The following FARP2 variants were observed in gnomAD, a reference collection of about 807,000 sequenced individuals.
FARP2 encodes the protein FERM, ARH/RhoGEF and pleckstrin domain protein 2, also known as FERM, ARHGEF and pleckstrin domain-containing protein 2.
FARP2 carries 111 observed loss-of-function variants against 130.5 expected under a neutral mutation model. That is an observed-to-expected ratio of 0.85 (90% CI 0.73 to 1.00). The LOEUF (loss-of-function observed/expected upper bound fraction) is 1.00. FARP2 is among the 50% of genes least tolerant of loss of function. The pLI is 0.00. For missense variants in FARP2, 1,385 were observed against 1,346.3 expected (o/e 1.03, Z -0.45); for synonymous variants, 504 against 516.9 (o/e 0.98, Z 0.34).
chr2:241,456,801 G>A lies in FARP2; in HGVS notation c.1466G>A (p.Ser489Asn). 1 of 1,614,102 alleles carries A rather than the reference G, an allele frequency of 6.2e-7. No homozygotes were observed. ...CCCTCCAGCCGGAAGAGCCCCCTGAGTCTGAGCCCTGCATTTCAGGTGCCT... is the reference window on the plus strand; with the variant it reads ...CCCTCCAGCCGGAAGAGCCCCCTGAATCTGAGCCCTGCATTTCAGGTGCCT... ...PSPSSRKSPL[S>N]LSPAFQVPLG... The change falls in exon 14 of 27, where the codon AGT (serine) becomes AAT (asparagine). Residue 489 changes from serine (S) to asparagine (N), a missense_variant. Coordinates refer to ENST00000264042, the MANE Select transcript of FARP2 (RefSeq NM_014808.4).
chr2:241,482,779 G>A lies in FARP2; in HGVS notation c.2263-686G>A, dbSNP rs1414515854. Among the ~76,000 whole-genome samples the A allele has an allele frequency of 6.6e-6, 1 of 152,136 alleles. No individual in the cohort carries two copies. Among genetic ancestry groups the A allele is most frequent in the Non-Finnish European group, 1.5e-5 (1 of 68,028 alleles). On this transcript the variant is annotated intron_variant, in intron 19 of 26. Coordinates refer to ENST00000264042, the MANE Select transcript of FARP2 (RefSeq NM_014808.4). This position sits in a 1 kb window ranked among gnomAD's most constrained non-coding sequence, Gnocchi z 4.6. ...TGTTTGTCTGAAAGGAACAGATGGT[G>A]GAAGGGCTCCAGAGCAGTCCAGGTT...
At chr2:241,418,217 G>C in intron 8 of FARP2, 108 bp downstream of exon 8, 3 of 1,189,422 alleles carry the variant, frequency 2.5e-6, no homozygotes, top group Non-Finnish European at 3.6e-6. Flanking sequence ...TGATGAGTAC[G>C]GGCCTCGATT....
intron 12 of FARP2, among the ~76,000 whole-genome samples, chr2:241,437,442 C>T (rs765750159): frequency 1.2e-4 from 19 of 152,080 alleles, no homozygotes; most frequent in Non-Finnish European, 2.6e-4. Context: ...CATATGCAAG[C>T]ATATTTTTAC....
chr2:241,359,019 G>T (rs2061125735), intron 1 of FARP2, among the ~76,000 whole-genome samples: 1 of 152,162 alleles, frequency 6.6e-6, no homozygotes, highest in Non-Finnish European at 1.5e-5. Context: ...AAGTAAACAT[G>T]CTTCCACAAG....
At chr2:241,390,416 C>T (rs1247007342) in intron 2 of FARP2, among the ~76,000 whole-genome samples, 1 of 152,188 alleles carries the variant, frequency 6.6e-6, no homozygotes, top group Non-Finnish European at 1.5e-5. Context: ...TCCTCGTAGA[C>T]ACATTTGTGA....
chr2:241,418,589 A>G lies in FARP2; in HGVS notation c.771+480A>G, dbSNP rs542746162. On this transcript the variant is annotated intron_variant, in intron 8 of 26. Coordinates refer to ENST00000264042, the MANE Select transcript of FARP2 (RefSeq NM_014808.4). ...GTAAACAAACTAGAATAGAATAGAA[A>G]ATATCAGAGGGATTGCTTGTGATAA... Among the ~76,000 whole-genome samples, 4 of 152,276 alleles carry G rather than the reference A, an allele frequency of 2.6e-5. No homozygotes were observed. The South Asian group carries it at 8.3e-4, about 32-fold the overall frequency.
intron 1 of FARP2, among the ~76,000 whole-genome samples, chr2:241,364,098 T>G (rs2061251604): frequency 6.6e-6 from 1 of 152,220 alleles, no homozygotes; most frequent in Admixed American, 6.5e-5. Context: ...CCTGGATTCG[T>G]TGTCTAGATT....
chr2:241,374,529 A>G lies in FARP2; in HGVS notation c.183+1239A>G, dbSNP rs546276734. ...AAGATGCCACACAGAAAACAAAACT[A>G]TTATTGAGCTGTGGACCTTATTGCG... On this transcript the variant is annotated intron_variant, in intron 2 of 26. Transcript: ENST00000264042. Among the ~76,000 whole-genome samples, 10 of 152,220 alleles carry G rather than the reference A, an allele frequency of 6.6e-5. No homozygotes were observed. The South Asian group carries it at 1.5e-3, about 22-fold the overall frequency.
At chr2:241,386,649 T>C (rs552026270) in intron 2 of FARP2, 2 of 152,382 alleles carry the variant, frequency 1.3e-5, no homozygotes, top group Non-Finnish European at 2.9e-5. Context: ...AGGGGGAGTA[T>C]GGAACGTGGT....
chr2:241,485,627 C>T (rs1459333033), intron 21 of FARP2, among the ~76,000 whole-genome samples: 1 of 149,100 alleles, frequency 6.7e-6, no homozygotes, highest in Non-Finnish European at 1.5e-5. Context: ...GGGATATTCC[C>T]TCCCTGGAGT....
intron 18 of FARP2, among the ~76,000 whole-genome samples, chr2:241,474,033 G>A (rs527607627): frequency 6.6e-5 from 10 of 152,230 alleles, no homozygotes; most frequent in Non-Finnish European, 1.0e-4. Flanking sequence ...CAGGCCGGGC[G>A]CGGTGGCTCA....
chr2:241,370,941 G>A (rs1433532972), intron 1 of FARP2, among the ~76,000 whole-genome samples: 1 of 152,196 alleles, frequency 6.6e-6, no homozygotes, highest in Non-Finnish European at 1.5e-5. Context: ...GTGCAGCTCA[G>A]GTAATAAATG....
intron 1 of FARP2, among the ~76,000 whole-genome samples, chr2:241,357,875 C>T (rs2061103493): frequency 6.6e-6 from 1 of 152,174 alleles, no homozygotes; most frequent in Non-Finnish European, 1.5e-5. Flanking sequence ...TTCTCTCTGC[C>T]TCAGGTTCCT....
intron 5 of FARP2, among the ~76,000 whole-genome samples, chr2:241,408,367 G>A (rs2062421728): frequency 6.6e-6 from 1 of 150,556 alleles, no homozygotes; most frequent in Admixed American, 6.6e-5. Context: ...GCGAGACTCC[G>A]TCTCAAAAAA....
intron 2 of FARP2, among the ~76,000 whole-genome samples, chr2:241,380,992 A>G (rs2061648130): frequency 6.6e-6 from 1 of 152,084 alleles, no homozygotes. Context: ...ACCAGGTTTT[A>G]AATCTCAGCC....
chr2:241,418,226 T>C, intron 8 of FARP2, 117 bp downstream of exon 8: 2 of 1,051,796 alleles, frequency 1.9e-6, no homozygotes, highest in Non-Finnish European at 2.8e-6. Context: ...CGGGCCTCGA[T>C]TTGGAAGAGG....
rs543203497 is a variant in FARP2, at chr2:241,468,703, G to T, written c.2131+326G>T. On this transcript the variant is annotated intron_variant, in intron 18 of 26. Coordinates refer to ENST00000264042, the MANE Select transcript of FARP2 (RefSeq NM_014808.4). ...AGTCACAGGGCATGCTCCTGCTGGGGACCCCACAGCCCCCACAAGTGCACT... is the reference window on the plus strand; with the variant it reads ...AGTCACAGGGCATGCTCCTGCTGGGTACCCCACAGCCCCCACAAGTGCACT... 2.2e-4 allele frequency among the ~76,000 whole-genome samples: 34 copies of T among 152,308 alleles called. No homozygotes were observed. The South Asian group carries it at 6.0e-3, about 27-fold the overall frequency.
chr2:241,367,127 C>G (rs954529486), intron 1 of FARP2, among the ~76,000 whole-genome samples: 1 of 152,088 alleles, frequency 6.6e-6, no homozygotes, highest in African/African-American at 2.4e-5. Context: ...GTGCAAGTGA[C>G]ACAGCCATCC....
At chr2:241,380,457 G>C (rs1423782786) in intron 2 of FARP2, among the ~76,000 whole-genome samples, 1 of 152,118 alleles carries the variant, frequency 6.6e-6, no homozygotes. Flanking sequence ...GGCTAGAAAA[G>C]CTGAGCTTGT....
Sources: allele counts gnomAD v4.1 joint callset (sites outside exome capture counted in the v4.1 genomes callset), GRCh38; gene constraint gnomAD v4.1.1; non-coding constraint Gnocchi (gnomAD v3.1); transcripts MANE v1.5; gene names NCBI Gene and HGNC (gene_info 2026-07-23, HGNC 2026-07-21).